PLEKHA3: variants seen among roughly 807,000 people sequenced by gnomAD.
PLEKHA3 encodes pleckstrin homology domain containing A3.
In PLEKHA3, 19 loss-of-function variants were observed where a neutral mutation model predicts 39.2. That is an observed-to-expected ratio of 0.48 (90% CI 0.34 to 0.71). The LOEUF (loss-of-function observed/expected upper bound fraction) is 0.71. Among genes scored for constraint, PLEKHA3 ranks in the 30% least tolerant of loss-of-function variants. The pLI is 0.01. For missense variants in PLEKHA3, 253 were observed against 359.5 expected (o/e 0.70, Z 2.40); for synonymous variants, 97 against 118.6 (o/e 0.82, Z 1.18).
Position 178,515,418 on chromosome 2 carries a change from G to A in PLEKHA3, c.*11531G>A, listed in dbSNP as rs1389327168. On this transcript the variant is annotated 3_prime_UTR_variant, in exon 8 of 8. Transcript: ENST00000234453. Reference sequence around the variant, plus strand: ...AAGACATATGAACTTTTCTCATTCTGTCTACCTTTTTAAAATTTTATTCAC... The same window carrying A: ...AAGACATATGAACTTTTCTCATTCTATCTACCTTTTTAAAATTTTATTCAC... 2 of 151,848 alleles carry A rather than the reference G, an allele frequency of 1.3e-5. No homozygotes were observed. The highest frequency in any genetic ancestry group is 2.4e-5 in the African/African-American group (1 of 41,398). The allele number at this position is 151,848 out of a possible 1,614,324, so 9.4% of individuals were successfully genotyped here.
chr2:178,488,182 T>A (rs571430509), intron 2 of PLEKHA3, among the ~76,000 whole-genome samples: 1 of 152,378 alleles, frequency 6.6e-6, no homozygotes, highest in South Asian at 2.1e-4. Flanking sequence ...TGGCCCATTT[T>A]CTAACTTTGG....
At chr2:178,500,775 C>T (rs772494200) in intron 6 of PLEKHA3, among the ~76,000 whole-genome samples, 20 of 151,916 alleles carry the variant, frequency 1.3e-4, no homozygotes, top group Non-Finnish European at 1.9e-4. Context: ...ATTTGTAAAC[C>T]GACTGATATG....
At chr2:178,503,186 G>A (rs1685556246) in intron 7 of PLEKHA3, among the ~76,000 whole-genome samples, 1 of 152,006 alleles carries the variant, frequency 6.6e-6, no homozygotes, top group East Asian at 1.9e-4. Flanking sequence ...GTGTTAACAT[G>A]GAGTTGCAGT....
rs1685660296 is a variant in PLEKHA3 at position 178,510,101 on chromosome 2, C to T, written c.*6214C>T. ...TATTAGTCAGGCTGGTCTTGAACTC[C>T]TGACCTCAGGTCATCTACCTGCCTT... On this transcript the variant is annotated 3_prime_UTR_variant, in exon 8 of 8. Transcript: ENST00000234453. The T allele has an allele frequency of 6.6e-6, 1 of 152,176 alleles. No individual in the cohort carries two copies. The highest frequency in any genetic ancestry group is 2.1e-4 in the South Asian group (1 of 4,828). 9.4% of individuals were successfully genotyped at this position (152,176 alleles called of 1,614,324 possible).
At position 178,514,305 on chromosome 2, in the gene PLEKHA3, G is replaced by C. The variant is rs1450385517; in HGVS notation, c.*10418G>C. ...ATGACCTACCTACTTGATTAATGATGTCTGCATGGGCTTACTAAGAGGGTG... is the reference window on the plus strand; with the variant it reads ...ATGACCTACCTACTTGATTAATGATCTCTGCATGGGCTTACTAAGAGGGTG... On this transcript the variant is annotated 3_prime_UTR_variant, in exon 8 of 8. Transcript: ENST00000234453. 1 of 151,220 alleles carries C rather than the reference G, an allele frequency of 6.6e-6. No individual in the cohort carries two copies. The highest frequency in any genetic ancestry group is 1.9e-4 in the East Asian group (1 of 5,150). 9.4% of individuals were successfully genotyped at this position (151,220 alleles called of 1,614,324 possible).
At chr2:178,495,240 G>A (rs1282032913) in intron 4 of PLEKHA3, among the ~76,000 whole-genome samples, 1 of 152,118 alleles carries the variant, frequency 6.6e-6, no homozygotes, top group Non-Finnish European at 1.5e-5. Context: ...ATAATTAAAT[G>A]CAAAGCTTAT....
rs1214842267 is a variant in PLEKHA3 at position 178,504,884 on chromosome 2, G to A, written c.*997G>A. ...ATTAAAGAACAAATAGCATTTTTTG[G>A]TAGTGCCTGTCCATACCTATTGTCA... On this transcript the variant is annotated 3_prime_UTR_variant, in exon 8 of 8. Transcript: ENST00000234453. 6.6e-6 allele frequency: 1 copy of A among 152,268 alleles called. No individual in the cohort carries two copies. Among genetic ancestry groups the A allele is most frequent in the Non-Finnish European group, 1.5e-5 (1 of 67,822 alleles). The allele number at this position is 152,268 out of a possible 1,614,324, so 9.4% of individuals were successfully genotyped here. A position where few individuals can be genotyped will look rare whatever the true frequency, so the allele number is the denominator to read the frequency against.
chr2:178,499,207 C>A lies in PLEKHA3; in HGVS notation c.616-4C>A. 6.4e-7 allele frequency: 1 copy of A among 1,566,104 alleles called. No individual in the cohort carries two copies. Among genetic ancestry groups the A allele is most frequent in the Non-Finnish European group, 8.6e-7 (1 of 1,160,648 alleles). On this transcript the variant is annotated splice_polypyrimidine_tract_variant and splice_region_variant and intron_variant, in intron 5 of 7. Transcript: ENST00000234453. Reference sequence around the variant, plus strand: ...ATTTTTTTTTTTTTTTCCAAAATTTCTAGATGAAGCGTTCTGTCAGCCACC... The same window carrying A: ...ATTTTTTTTTTTTTTTCCAAAATTTATAGATGAAGCGTTCTGTCAGCCACC...
intron 3 of PLEKHA3, among the ~76,000 whole-genome samples, chr2:178,491,071 C>T (rs1181686544): frequency 1.4e-5 from 2 of 142,324 alleles, no homozygotes; most frequent in Non-Finnish European, 3.0e-5. Context: ...AGTGCAATGG[C>T]GCGATCTCGG....
At chr2:178,481,040 C>T (rs1277041467) in intron 1 of PLEKHA3, 131 bp downstream of exon 1, 1 of 813,796 alleles carries the variant, frequency 1.2e-6, no homozygotes, top group African/African-American at 1.8e-5. Context: ...GATTCCAGGG[C>T]TTGTTGAGTC....
chr2:178,510,314 C>A lies in PLEKHA3; in HGVS notation c.*6427C>A, dbSNP rs1382900857. On this transcript the variant is annotated 3_prime_UTR_variant, in exon 8 of 8. Coordinates refer to ENST00000234453, the MANE Select transcript of PLEKHA3 (RefSeq NM_019091.4). ...AAAAGAGTATAACAATTTTGATGTG[C>A]TTTTAAGCTTTATTGGTATTATATT... 1 of 153,648 alleles carries A rather than the reference C, an allele frequency of 6.5e-6. No individual in the cohort carries two copies. Among genetic ancestry groups the A allele is most frequent in the African/African-American group, 2.4e-5 (1 of 41,408 alleles). 9.5% of individuals were successfully genotyped at this position (153,648 alleles called of 1,614,324 possible).
At chr2:178,501,212 A>G in intron 7 of PLEKHA3, 36 bp downstream of exon 7, 3 of 1,462,682 alleles carry the variant, frequency 2.1e-6, no homozygotes, top group Non-Finnish European at 2.9e-6. Flanking sequence ...TCTTTGGCAT[A>G]TTCAGCAAAA....
At chr2:178,489,339 C>T (rs1208993428) in intron 2 of PLEKHA3, among the ~76,000 whole-genome samples, 3 of 152,004 alleles carry the variant, frequency 2.0e-5, no homozygotes, top group Non-Finnish European at 1.5e-5. Flanking sequence ...ATATTTATAG[C>T]AATTAATTAT....
intron 5 of PLEKHA3, among the ~76,000 whole-genome samples, chr2:178,497,746 G>A (rs926362269): frequency 6.6e-6 from 1 of 151,674 alleles, no homozygotes; most frequent in African/African-American, 2.4e-5. Flanking sequence ...TTTTTAAGCT[G>A]TACTTTTTAG....
At chr2:178,502,417 G>A (rs752752518) in intron 7 of PLEKHA3, 13 of 413,952 alleles carry the variant, frequency 3.1e-5, no homozygotes, top group African/African-American at 2.9e-4. Context: ...GCAAGACCTG[G>A]AAGAGAAGAG....
intron 5 of PLEKHA3, among the ~76,000 whole-genome samples, chr2:178,496,768 G>C (rs1211686021): frequency 6.6e-6 from 1 of 152,002 alleles, no homozygotes; most frequent in East Asian, 1.9e-4. Context: ...AGGCTGGAGT[G>C]CAGTGACACC....
intron 5 of PLEKHA3, among the ~76,000 whole-genome samples, chr2:178,496,738 A>G (rs1685453983): frequency 6.6e-6 from 1 of 152,050 alleles, no homozygotes; most frequent in Admixed American, 6.6e-5. Flanking sequence ...TTTTAGAGAC[A>G]GGGTCTCACT....
At chr2:178,481,237 A>G (rs765028970) in intron 1 of PLEKHA3, among the ~76,000 whole-genome samples, 12 of 152,228 alleles carry the variant, frequency 7.9e-5, no homozygotes, top group Admixed American at 2.6e-4. Flanking sequence ...TTCATACTTT[A>G]AGAGCATTTT....
intron 3 of PLEKHA3, among the ~76,000 whole-genome samples, chr2:178,492,167 G>A (rs902795977): frequency 6.6e-6 from 1 of 151,544 alleles, no homozygotes; most frequent in African/African-American, 2.4e-5. Context: ...ATAATTAAAT[G>A]CAAATTAATT....
Sources: allele counts gnomAD v4.1 joint callset (sites outside exome capture counted in the v4.1 genomes callset), GRCh38; gene constraint gnomAD v4.1.1; transcripts MANE v1.5; gene names NCBI Gene and HGNC (gene_info 2026-07-23, HGNC 2026-07-21).